The following CADM3 variants were observed in gnomAD, a reference collection of about 807,000 sequenced individuals.
The protein encoded by CADM3 is cell adhesion molecule 3, also known as TSLC1-like 1.
In CADM3, 11 loss-of-function variants were observed where a neutral mutation model predicts 44.9. The ratio of observed to expected loss-of-function variants is 0.25; its 90% CI spans 0.15 to 0.41. The LOEUF (loss-of-function observed/expected upper bound fraction) is 0.41, where lower values mean the gene tolerates loss of function less well. Among genes scored for constraint, CADM3 ranks in the 10% least tolerant of loss-of-function variants. CADM3 has a pLI of 1.00. For synonymous variants in CADM3, 207 were observed against 205.2 expected, an observed-to-expected ratio of 1.01 and a Z score of -0.08; for missense variants, 426 against 512.0, an observed-to-expected ratio of 0.83 and a Z score of 1.62.
intron 4 of CADM3, 130 bp downstream of exon 4, chr1:159,193,690 C>T (rs1324894018): frequency 1.4e-6 from 2 of 1,442,412 alleles, no homozygotes; most frequent in African/African-American, 1.4e-5. Context: ...TTTGTGTGCA[C>T]TCAAGTGCCT....
Position 159,192,580 on chromosome 1 carries a change from C to T in CADM3, c.232C>T (p.Leu78Phe). The change falls in exon 3 of 9, where the codon CTT becomes TTT. Residue 78 changes from leucine (L) to phenylalanine (F), a missense_variant and splice_region_variant. Physicochemically the swap from Leu to Phe is conservative, Grantham distance 22. Around this residue, in one of 2 missense-constraint regions of CADM3, gnomAD observed 362 missense variants for 474.6 expected, o/e 0.76. Transcript: ENST00000368125. Reference sequence around the variant, plus strand: ...TTCCATTCTCTTGATTTCCCCAGCCCTTCGAGATAATCGAATTCAGCTGGT... The same window carrying T: ...TTCCATTCTCTTGATTTCCCCAGCCTTTCGAGATAATCGAATTCAGCTGGT... ...QTLYFGEKRA[L>F]RDNRIQLVTS... is the part of the protein sequence containing the mutation. The T allele has an allele frequency of 6.2e-7, 1 of 1,614,150 alleles. No individual in the cohort carries two copies. The highest frequency in any genetic ancestry group is 8.5e-7 in the Non-Finnish European group (1 of 1,180,024).
chr1:159,194,074 G>C, intron 5 of CADM3, 34 bp downstream of exon 5: 1 of 1,595,098 alleles, frequency 6.3e-7, no homozygotes, highest in Non-Finnish European at 8.6e-7. Context: ...AGAAGGATGA[G>C]GTATGAGATG....
chr1:159,191,834 A>C, intron 1 of CADM3, 102 bp from the exon 2 acceptor site: 2 of 1,399,756 alleles, frequency 1.4e-6, no homozygotes, highest in Non-Finnish European at 2.0e-6. Flanking sequence ...TTGTGTACAC[A>C]AGGGCCTTGG....
At chr1:159,189,011 A>G (rs1472681318) in intron 1 of CADM3, among the ~76,000 whole-genome samples, 1 of 152,150 alleles carries the variant, frequency 6.6e-6, no homozygotes, top group East Asian at 1.9e-4. Flanking sequence ...AGTCATTTAG[A>G]GGGGCTAAGG....
At chr1:159,198,776 T>C (rs932138880) in intron 7 of CADM3, among the ~76,000 whole-genome samples, 9 of 152,152 alleles carry the variant, frequency 5.9e-5, no homozygotes, top group African/African-American at 2.2e-4. Context: ...GCTGCTGATG[T>C]CTTTGCCACA....
chr1:159,196,712 C>T, intron 6 of CADM3, 179 bp from the exon 7 acceptor site: 1 of 662,170 alleles, frequency 1.5e-6, no homozygotes. Context: ...TCTACAGCTT[C>T]CCCAGAACGA....
rs1008166058 is a variant in CADM3 at position 159,185,096 on chromosome 1, A to AT, written c.89-6831dup. Among the ~76,000 whole-genome samples the AT allele has an allele frequency of 1.9e-4, 29 of 151,754 alleles. No homozygotes were observed. In the East Asian group the frequency reaches 3.1e-3, roughly 16 times the overall value. On this transcript the variant is annotated intron_variant, in intron 1 of 8. Transcript: ENST00000368125. Reference sequence around the variant, plus strand: ...TAGAGTGCTATGAAAACACAAGGAGATTTTTTTTTAACTAGACATGCCATT... The same window carrying AT: ...TAGAGTGCTATGAAAACACAAGGAGATTTTTTTTTTAACTAGACATGCCATT...
intron 8 of CADM3, 22 bp downstream of exon 8, chr1:159,199,898 T>G: frequency 6.2e-7 from 1 of 1,611,722 alleles, no homozygotes; most frequent in Non-Finnish European, 8.5e-7. Context: ...AAAGAGAGCA[T>G]CAGCAGAACT....
chr1:159,196,906 A>G lies in CADM3; in HGVS notation c.798A>G (p.Leu266=). Residue 266 remains leucine (L), a synonymous_variant, in exon 7 of 9, where the codon CTA becomes CTG. Transcript: ENST00000368125. Reference sequence around the variant, plus strand: ...GCCTCGACAGCCCCCAGCAGTACCTATGGGAGAAGGAGGGCAGTGTGCCAC... The same window carrying G: ...GCCTCGACAGCCCCCAGCAGTACCTGTGGGAGAAGGAGGGCAGTGTGCCAC... ...GRGNPVPQQY[L]WEKEGSVPPL... 1 of 1,613,630 alleles carries G rather than the reference A, an allele frequency of 6.2e-7. No homozygotes were observed.
At position 159,183,418 on chromosome 1, in the gene CADM3, G is replaced by A. The variant is rs533205463; in HGVS notation, c.89-8518G>A. Among the ~76,000 whole-genome samples the A allele has an allele frequency of 5.3e-5, 8 of 152,244 alleles. No homozygotes were observed. The South Asian group carries it at 1.7e-3, about 32-fold the overall frequency. The stretch of plus-strand genomic sequence containing the variant: ...AACAAGACTATAGGAGGAAAAACCA[G>A]ACAGCAACAGAAATAATAGAGAGAG... On this transcript the variant is annotated intron_variant, in intron 1 of 8. Coordinates refer to ENST00000368125, the MANE Select transcript of CADM3 (RefSeq NM_001127173.3).
At position 159,171,821 on chromosome 1, in the gene CADM3, G is replaced by A; in HGVS notation, c.56G>A (p.Trp19Ter). Residue 19 changes from tryptophan to a stop codon, truncating the protein, a stop_gained, in exon 1 of 9, where the codon TGG becomes TAG. Coordinates refer to ENST00000368125, the MANE Select transcript of CADM3 (RefSeq NM_001127173.3). LOFTEE classifies it high-confidence loss of function. ...LLLLLLFACC[W>*]APGGANLSQD... ...CTGCTCCTGCTGTTCGCCTGCTGCT[G>A]GGCGCCCGGCGGGGCCAACCTCTCC... 8.0e-7 allele frequency: 1 copy of A among 1,246,664 alleles called. No homozygotes were observed. The allele number at this position is 1,246,664 out of a possible 1,614,324, so 77.2% of individuals were successfully genotyped here. A position where few individuals can be genotyped will look rare whatever the true frequency, so the allele number is the denominator to read the frequency against.
intron 1 of CADM3, chr1:159,189,994 C>A: frequency 1.5e-6 from 1 of 678,156 alleles, no homozygotes; most frequent in South Asian, 2.0e-5. Context: ...ACAGCACTTT[C>A]TCCTTTCCAT....
chr1:159,188,999 T>G (rs553197218), intron 1 of CADM3, among the ~76,000 whole-genome samples: 91 of 152,264 alleles, frequency 6.0e-4, no homozygotes, highest in Non-Finnish European at 1.2e-3. Flanking sequence ...AGGAGCAGAC[T>G]CAGTCATTTA....
intron 1 of CADM3, 46 bp downstream of exon 1, chr1:159,171,899 G>A (rs189825500): frequency 5.6e-4 from 657 of 1,181,624 alleles, no homozygotes; most frequent in Non-Finnish European, 6.6e-4. Context: ...GGAGTGACCC[G>A]AGGCGGGGGC....
At position 159,171,757 on chromosome 1, in the gene CADM3, G is replaced by A. The variant is rs1346055513; in HGVS notation, c.-9G>A. 4.9e-6 allele frequency: 6 copies of A among 1,235,412 alleles called. No individual in the cohort carries two copies. The highest frequency in any genetic ancestry group is 6.1e-6 in the Non-Finnish European group (6 of 989,478). 76.5% of individuals were successfully genotyped at this position (1,235,412 alleles called of 1,614,324 possible). ...CAGCGCCCAGCCAGGGAGCCGGCCG[G>A]GAAGCGCGATGGGGGCCCCAGCCGC... On this transcript the variant is annotated 5_prime_UTR_variant, in exon 1 of 9. Coordinates refer to ENST00000368125, the MANE Select transcript of CADM3 (RefSeq NM_001127173.3).
intron 1 of CADM3, among the ~76,000 whole-genome samples, chr1:159,187,502 G>T (rs1649463971): frequency 6.6e-6 from 1 of 152,218 alleles, no homozygotes. Context: ...AGTTCTATCT[G>T]GCTGCCTATC....
At chr1:159,173,868 T>C (rs1024567458) in intron 1 of CADM3, among the ~76,000 whole-genome samples, 1 of 152,230 alleles carries the variant, frequency 6.6e-6, no homozygotes, top group Non-Finnish European at 1.5e-5. Context: ...TAAATCAGTA[T>C]ACTAGCCAAG....
chr1:159,178,005 T>A (rs1649091328), intron 1 of CADM3, among the ~76,000 whole-genome samples: 1 of 152,202 alleles, frequency 6.6e-6, no homozygotes, highest in African/African-American at 2.4e-5. Context: ...GTCCTTGATA[T>A]CAAATGGAGT....
In CADM3 at chr1:159,201,047, C is replaced by G. The variant is rs1650174869; in HGVS notation, c.*125C>G. Reference sequence around the variant, plus strand: ...CCCGCTTGCTCCCCAGCCCACCCACCCCCCTGTACAGAATGTCTGCTTTGG... The same window carrying G: ...CCCGCTTGCTCCCCAGCCCACCCACGCCCCTGTACAGAATGTCTGCTTTGG... On this transcript the variant is annotated 3_prime_UTR_variant, in exon 9 of 9. Transcript: ENST00000368125. The G allele has an allele frequency of 4.0e-6, 2 of 503,676 alleles. No homozygotes were observed. The highest frequency in any genetic ancestry group is 3.7e-5 in the South Asian group (1 of 27,028). The allele number at this position is 503,676 out of a possible 1,614,324, so 31.2% of individuals were successfully genotyped here. A position where few individuals can be genotyped will look rare whatever the true frequency, so the allele number is the denominator to read the frequency against.
Sources: allele counts gnomAD v4.1 joint callset (sites outside exome capture counted in the v4.1 genomes callset), GRCh38; gene constraint gnomAD v4.1.1; regional missense constraint gnomAD v4.1.1; transcripts MANE v1.5; gene names NCBI Gene and HGNC (gene_info 2026-07-23, HGNC 2026-07-21).